Variants in RGS6 observed in about 807,000 individuals in gnomAD.
RGS6 encodes regulator of G-protein signaling 6.
In RGS6, 30 loss-of-function variants were observed where a neutral mutation model predicts 78.5. The observed-to-expected ratio is 0.38, with a 90% CI of 0.29 to 0.52. The LOEUF (loss-of-function observed/expected upper bound fraction) is 0.52, where lower values mean the gene tolerates loss of function less well. Ranked by LOEUF, RGS6 falls within the 20% of genes least tolerant of loss-of-function variation. RGS6 has a pLI of 0.85. For synonymous variants in RGS6, 206 were observed against 206.0 expected (o/e 1.00, Z 0.00); for missense variants, 495 against 609.7 (o/e 0.81, Z 1.98).
At chr14:72,371,209 C>T (rs1346769614) in intron 3 of RGS6, among the ~76,000 whole-genome samples, 3 of 152,124 alleles carry the variant, frequency 2.0e-5, no homozygotes, top group South Asian at 2.1e-4. Context: ...TAGTAACAAC[C>T]TCTTAAAATC....
intron 2 of RGS6, among the ~76,000 whole-genome samples, chr14:72,149,794 A>G (rs1000637198): frequency 6.6e-6 from 1 of 152,204 alleles, no homozygotes; most frequent in African/African-American, 2.4e-5. Flanking sequence ...CCAAATTTAA[A>G]TTGTAGACAT....
chr14:72,518,689 G>A (rs564900315), intron 15 of RGS6, 152 bp downstream of exon 15: 72 of 710,234 alleles, frequency 1.0e-4, no homozygotes, highest in Non-Finnish European at 1.5e-4. Context: ...TCAGATAGGC[G>A]CACAGCAAAA....
rs370324668 is a variant in RGS6 at position 71,982,570 on chromosome 14, C to CA, written c.84+17699dup. ...TGTAGGGAGCCCTTCTGGTTCCAAC[C>CA]AAAACCCTGGGTGCCCCTCCTCCTT... On this transcript the variant is annotated intron_variant, in intron 2 of 17. Coordinates refer to ENST00000553525, the MANE Select transcript of RGS6 (RefSeq NM_001204424.2). 3.0e-3 allele frequency among the ~76,000 whole-genome samples: 461 copies of CA among 152,236 alleles called. 1 individual carries two copies. The highest frequency in any genetic ancestry group is 0.01 in the African/African-American group (434 of 41,546).
At chr14:72,246,077 G>A (rs1414896479) in intron 2 of RGS6, among the ~76,000 whole-genome samples, 1 of 152,150 alleles carries the variant, frequency 6.6e-6, no homozygotes, top group African/African-American at 2.4e-5. Flanking sequence ...GGGGTAGTAT[G>A]TCTTGAACCT....
At chr14:72,629,594 T>C in the RGS6 span, 2 of 1,518,228 alleles carry the variant, frequency 1.3e-6, no homozygotes, top group Admixed American at 3.9e-5. Context: ...TGTGGATTTC[T>C]CCCTCCCACA....
At chr14:72,017,245 T>C (rs886787679) in intron 2 of RGS6, among the ~76,000 whole-genome samples, 3 of 152,218 alleles carry the variant, frequency 2.0e-5, no homozygotes, top group African/African-American at 7.2e-5. Flanking sequence ...CTGTCAATGA[T>C]ATCTTTTTAT....
Position 72,078,773 on chromosome 14 carries a change from A to T in RGS6, c.84+113898A>T, listed in dbSNP as rs376803484. 7.9e-5 allele frequency among the ~76,000 whole-genome samples: 12 copies of T among 152,196 alleles called. No individual in the cohort carries two copies. In the East Asian group the frequency reaches 1.5e-3, roughly 20 times the overall value. ...CCTAATACACCTAGCCTGATGTTAC[A>T]CTTAGGATCCTCTTCATTATTCTTC... On this transcript the variant is annotated intron_variant, in intron 2 of 17. Transcript: ENST00000553525.
chr14:72,274,663 G>A (rs1165675082), intron 2 of RGS6, among the ~76,000 whole-genome samples: 2 of 152,210 alleles, frequency 1.3e-5, no homozygotes, highest in African/African-American at 4.8e-5. Flanking sequence ...TAATCAATAA[G>A]AGGGTGACAG....
chr14:72,346,319 T>C (rs2078037952), intron 2 of RGS6, among the ~76,000 whole-genome samples: 1 of 152,176 alleles, frequency 6.6e-6, no homozygotes, highest in South Asian at 2.1e-4. Flanking sequence ...ATATTGCCCT[T>C]TGTCGTTTCT....
the RGS6 span, among the ~76,000 whole-genome samples, chr14:71,913,894 T>C: frequency 6.6e-6 from 1 of 152,232 alleles, no homozygotes; most frequent in South Asian, 2.1e-4. Context: ...AGCTTCCTAA[T>C]TGGTAATTAA....
intron 2 of RGS6, among the ~76,000 whole-genome samples, chr14:72,280,638 G>T (rs538338233): frequency 3.3e-5 from 5 of 152,220 alleles, no homozygotes; most frequent in Non-Finnish European, 4.4e-5. Flanking sequence ...CCTCATTCTC[G>T]TGGAACTTGC....
At chr14:72,550,396 C>CCCTGGCTTTTTTTGTTTGCA in intron 17 of RGS6, 1 of 1,374,326 alleles carries the variant, frequency 7.3e-7, no homozygotes, top group South Asian at 1.2e-5. Flanking sequence ...CACACCATGC[C>CCCTGGCTTTTTTTGTTTGCA]CCTGGCTTTT....
At chr14:72,160,844 C>T (rs1338219325) in intron 2 of RGS6, among the ~76,000 whole-genome samples, 1 of 152,228 alleles carries the variant, frequency 6.6e-6, no homozygotes, top group African/African-American at 2.4e-5. Context: ...GCTTAAGTCA[C>T]ACAGTCTGTG....
intron 3 of RGS6, among the ~76,000 whole-genome samples, chr14:72,382,032 TAAA>T (rs200869081): frequency 2.0e-5 from 3 of 151,992 alleles, no homozygotes; most frequent in Non-Finnish European, 4.4e-5. Context: ...AATGGCTTCT[TAAA>T]AAGCCATTCT....
chr14:72,416,543 GAA>G (rs202014061), intron 3 of RGS6, among the ~76,000 whole-genome samples: 2 of 150,436 alleles, frequency 1.3e-5, no homozygotes, highest in East Asian at 3.9e-4. Context: ...CCCCTACCAA[GAA>G]AAAAAAAATT....
chr14:71,888,476 G>A, the RGS6 span, among the ~76,000 whole-genome samples: 79,242 of 151,100 alleles, frequency 0.52, 23,912 homozygotes, highest in Non-Finnish European at 0.68. Flanking sequence ...TATCTGCCTT[G>A]CTCCCTCCTG....
At chr14:72,054,500 A>AT (rs1567110776) in intron 2 of RGS6, among the ~76,000 whole-genome samples, 1 of 151,870 alleles carries the variant, frequency 6.6e-6, no homozygotes, top group Admixed American at 6.6e-5. Flanking sequence ...CGTCCCTTGA[A>AT]TTTTTTTTCT....
intron 2 of RGS6, among the ~76,000 whole-genome samples, chr14:72,094,525 A>G (rs2095356710): frequency 6.6e-6 from 1 of 152,160 alleles, no homozygotes; most frequent in Admixed American, 6.5e-5. Context: ...TTCAATATAA[A>G]TTTATGAAAT....
At chr14:72,056,506 G>C (rs1000795817) in intron 2 of RGS6, among the ~76,000 whole-genome samples, 7 of 152,136 alleles carry the variant, frequency 4.6e-5, no homozygotes, top group African/African-American at 1.7e-4. Context: ...TAAAAATTGA[G>C]CTTGCAAAAA....
Sources: gnomAD v4.1 joint callset for allele counts (sites outside exome capture counted in the v4.1 genomes callset) on GRCh38, gnomAD v4.1.1 for gene constraint, MANE v1.5 for transcripts, NCBI Gene and HGNC (gene_info 2026-07-23, HGNC 2026-07-21) for gene names.